SERPINB10: variants seen among roughly 807,000 people sequenced by gnomAD.
The protein encoded by SERPINB10 is serpin B10.
In SERPINB10, 35 loss-of-function variants were observed where a neutral mutation model predicts 39.1. That is an observed-to-expected ratio of 0.90 (90% CI 0.68 to 1.19). The LOEUF (loss-of-function observed/expected upper bound fraction) is 1.19. Among genes scored for constraint, SERPINB10 ranks in the 50% most tolerant of loss-of-function variants. SERPINB10 has a pLI of 0.00. For synonymous variants in SERPINB10, 190 were observed against 158.1 expected (o/e 1.20, Z -1.52); for missense variants, 546 against 460.5 (o/e 1.19, Z -1.70).
intron 4 of SERPINB10, among the ~76,000 whole-genome samples, chr18:63,919,557 G>A (rs553929867): frequency 1.3e-5 from 2 of 152,040 alleles, no homozygotes; most frequent in Non-Finnish European, 2.9e-5. Context: ...GTGGGCATCC[G>A]TACTTCCTTC....
intron 1 of SERPINB10, among the ~76,000 whole-genome samples, chr18:63,908,414 T>C (rs2050040947): frequency 6.6e-6 from 1 of 152,034 alleles, no homozygotes; most frequent in Non-Finnish European, 1.5e-5. Context: ...AAATATTCTC[T>C]CAGGACGGTT....
At position 63,915,652 on chromosome 18, in the gene SERPINB10, G is replaced by A; in HGVS notation, c.142G>A (p.Gly48Ser). 2 of 1,611,626 alleles carry A rather than the reference G, an allele frequency of 1.2e-6. No individual in the cohort carries two copies. The highest frequency in any genetic ancestry group is 1.7e-6 in the Non-Finnish European group (2 of 1,178,570). ...GACCATAGTGTATTTGGGCGCCAAAGGTACCACTGCAGCCCAAATGGCCCA... is the reference window on the plus strand; with the variant it reads ...GACCATAGTGTATTTGGGCGCCAAAAGTACCACTGCAGCCCAAATGGCCCA... ...SLTIVYLGAKGTTAAQMAQVL... is the reference protein window; with the variant it reads ...SLTIVYLGAKSTTAAQMAQVL... The change falls in exon 2 of 8, where the codon GGT becomes AGT. Residue 48 changes from glycine to serine, a missense_variant. By Grantham distance (56) the Gly-to-Ser change is moderately conservative. Coordinates refer to ENST00000238508, the MANE Select transcript of SERPINB10 (RefSeq NM_005024.3).
intron 3 of SERPINB10, 38 bp from the exon 4 acceptor site, chr18:63,917,927 T>C: frequency 1.3e-6 from 2 of 1,594,638 alleles, no homozygotes; most frequent in South Asian, 1.1e-5. Flanking sequence ...GTAACTCTTG[T>C]TCAACATTTT....
intron 1 of SERPINB10, 80 bp from the exon 2 acceptor site, chr18:63,915,422 A>T: frequency 9.9e-7 from 1 of 1,014,492 alleles, no homozygotes; most frequent in South Asian, 1.6e-5. Flanking sequence ...TATGTATGCA[A>T]CTATGAATAC....
At chr18:63,917,380 G>A in intron 2 of SERPINB10, 76 bp from the exon 3 acceptor site, 1 of 811,144 alleles carries the variant, frequency 1.2e-6, no homozygotes, top group East Asian at 3.0e-5. Flanking sequence ...TGACTGACTT[G>A]TATTTACAGA....
At chr18:63,934,241 G>A (rs1170922635) in intron 7 of SERPINB10, among the ~76,000 whole-genome samples, 1 of 151,982 alleles carries the variant, frequency 6.6e-6, no homozygotes, top group African/African-American at 2.4e-5. Flanking sequence ...TATATAGTAT[G>A]TACACACATA....
chr18:63,912,852 G>C (rs1202105128), intron 1 of SERPINB10, among the ~76,000 whole-genome samples: 2 of 151,968 alleles, frequency 1.3e-5, no homozygotes, highest in Non-Finnish European at 2.9e-5. Flanking sequence ...CATCAGCATT[G>C]ATGCCAGCTT....
intron 5 of SERPINB10, among the ~76,000 whole-genome samples, chr18:63,924,922 A>C (rs932332217): frequency 1.3e-5 from 2 of 152,054 alleles, no homozygotes; most frequent in Non-Finnish European, 2.9e-5. Context: ...ATTTTTGACT[A>C]TAAATTCAAA....
intron 5 of SERPINB10, 21 bp downstream of exon 5, chr18:63,919,926 T>A (rs754302793): frequency 6.7e-7 from 1 of 1,487,058 alleles, no homozygotes; most frequent in Non-Finnish European, 9.3e-7. Context: ...ACCAAGGGGT[T>A]TGGCAGCGTG....
rs1477548192 is a variant in SERPINB10, at chr18:63,928,328, A to G, written c.491-1717A>G. Among the ~76,000 whole-genome samples, 4 of 152,068 alleles carry G rather than the reference A, an allele frequency of 2.6e-5. No individual in the cohort carries two copies. The East Asian group carries it at 5.8e-4, about 22-fold the overall frequency. On this transcript the variant is annotated intron_variant, in intron 5 of 7. Coordinates refer to ENST00000238508, the MANE Select transcript of SERPINB10 (RefSeq NM_005024.3). ...AAACATGTGCCTCTAGAGCAAACCT[A>G]TAATACCTGATTCGAGAGATATATA...
chr18:63,934,015 A>G (rs1290068665), intron 7 of SERPINB10, among the ~76,000 whole-genome samples: 1 of 152,218 alleles, frequency 6.6e-6, no homozygotes, highest in Non-Finnish European at 1.5e-5. Context: ...ACAAATAACC[A>G]TCAGAGTCAA....
At chr18:63,929,963 G>GA (rs1038873462) in intron 5 of SERPINB10, 82 bp from the exon 6 acceptor site, 15 of 1,442,656 alleles carry the variant, frequency 1.0e-5, no homozygotes, top group Non-Finnish European at 1.3e-5. Flanking sequence ...TATAGTTCCA[G>GA]AAAAAATAGA....
At chr18:63,915,842 G>A (rs74551422) in intron 2 of SERPINB10, among the ~76,000 whole-genome samples, 164 bp downstream of exon 2, 2,581 of 152,026 alleles carry the variant, frequency 0.017, 88 homozygotes, top group African/African-American at 0.059. Context: ...ACAAATCTTG[G>A]TAAAGAGAAT....
chr18:63,931,216 C>T (rs1490384303), intron 6 of SERPINB10, among the ~76,000 whole-genome samples: 1 of 152,172 alleles, frequency 6.6e-6, no homozygotes, highest in East Asian at 1.9e-4. Context: ...AGTCTCAACA[C>T]ATAATCCCAG....
At chr18:63,920,371 C>G (rs1050371634) in intron 5 of SERPINB10, among the ~76,000 whole-genome samples, 1 of 151,872 alleles carries the variant, frequency 6.6e-6, no homozygotes, top group Non-Finnish European at 1.5e-5. Context: ...AATATAGTGG[C>G]TTAATAAGAC....
intron 2 of SERPINB10, among the ~76,000 whole-genome samples, chr18:63,915,928 G>A (rs1389376152): frequency 6.6e-6 from 1 of 151,958 alleles, no homozygotes; most frequent in East Asian, 1.9e-4. Context: ...GAAAGGATAA[G>A]GTTATCAATT....
Position 63,935,319 on chromosome 18 carries a change from C to T in SERPINB10, c.*77C>T. ...CCATGAGATGGAAAAGCACAATTTT[C>T]ACAAAAATGAGTTTGTAGTCTAAAC... On this transcript the variant is annotated 3_prime_UTR_variant, in exon 8 of 8. Transcript: ENST00000238508. 1 of 1,440,418 alleles carries T rather than the reference C, an allele frequency of 6.9e-7. No individual in the cohort carries two copies. 89.2% of individuals were successfully genotyped at this position (1,440,418 alleles called of 1,614,324 possible).
chr18:63,920,055 G>A (rs620535), intron 5 of SERPINB10, 150 bp downstream of exon 5: 76,518 of 439,038 alleles, frequency 0.17, 7,503 homozygotes, highest in Admixed American at 0.29. Flanking sequence ...ATTCATGTAC[G>A]TAATTTTTAG....
intron 1 of SERPINB10, among the ~76,000 whole-genome samples, chr18:63,909,292 G>A (rs1369982294): frequency 6.6e-6 from 1 of 151,982 alleles, no homozygotes; most frequent in Non-Finnish European, 1.5e-5. Flanking sequence ...CTACACATTT[G>A]CAGTCTTCTC....
Sources: allele counts gnomAD v4.1 joint callset (sites outside exome capture counted in the v4.1 genomes callset), GRCh38; gene constraint gnomAD v4.1.1; transcripts MANE v1.5; gene names NCBI Gene and HGNC (gene_info 2026-07-23, HGNC 2026-07-21).